ZPBP: variants seen among roughly 807,000 people sequenced by gnomAD.
ZPBP encodes the protein zona pellucida-binding protein 1.
A neutral mutation model predicts 44.8 loss-of-function variants in ZPBP; 26 were observed. The observed-to-expected ratio is 0.58, with a 90% confidence interval of 0.43 to 0.81. The LOEUF (loss-of-function observed/expected upper bound fraction) is 0.81, where lower values mean the gene tolerates loss of function less well. Among genes scored for constraint, ZPBP ranks in the 30% least tolerant of loss-of-function variants. ZPBP has a pLI of 0.00. For missense variants in ZPBP, 409 were observed against 434.0 expected (o/e 0.94, Z 0.51); for synonymous variants, 174 against 153.2 (o/e 1.14, Z -1.00).
intron 6 of ZPBP, among the ~76,000 whole-genome samples, chr7:50,017,341 T>C (rs923356717): frequency 2.6e-5 from 4 of 152,136 alleles, no homozygotes; most frequent in African/African-American, 7.2e-5. Flanking sequence ...TGATCTGATC[T>C]GACAGGAGAA....
In ZPBP at chr7:49,897,162, T is replaced by C. The variant is rs546385429; in HGVS notation, n.509+3956A>G. 2.9e-3 allele frequency among the ~76,000 whole-genome samples: 445 copies of C among 152,268 alleles called. 1 individual carries two copies. Among genetic ancestry groups the C allele is most frequent in the Non-Finnish European group, 5.1e-3 (348 of 68,004 alleles). On this transcript the variant is annotated intron_variant and non_coding_transcript_variant, in intron 2 of 2. Coordinates refer to the ZPBP transcript ENST00000465922. ...CACCCGCCTCGGCCTCCCAAAGTGC[T>C]GGGATTACAGGCGTGAGCCACCGCG...
chr7:50,033,612 T>C (rs1206940061), intron 4 of ZPBP, among the ~76,000 whole-genome samples: 3 of 152,190 alleles, frequency 2.0e-5, no homozygotes, highest in Admixed American at 6.5e-5. Context: ...CTTTTCCTTA[T>C]GACAAGTTCC....
At chr7:49,887,164 G>A (rs1583757349) in intron 2 of ZPBP, among the ~76,000 whole-genome samples, 1 of 152,148 alleles carries the variant, frequency 6.6e-6, no homozygotes, top group East Asian at 1.9e-4. Context: ...CCTGATCGAT[G>A]ATGATTTGGA....
Position 50,058,147 on chromosome 7 carries a change from G to T in ZPBP, c.335-6C>A. The T allele has an allele frequency of 6.2e-7, 1 of 1,613,424 alleles. No individual in the cohort carries two copies. The highest frequency in any genetic ancestry group is 8.5e-7 in the Non-Finnish European group (1 of 1,179,670). On this transcript the variant is annotated splice_region_variant and splice_polypyrimidine_tract_variant and intron_variant, in intron 3 of 7. Coordinates refer to ENST00000046087, the MANE Select transcript of ZPBP (RefSeq NM_007009.3). ...TTGTGCAGTGCGGTTTTCTACTAAAGGAATAAGATACAGTTACGAGTTGCT... is the reference window on the plus strand; with the variant it reads ...TTGTGCAGTGCGGTTTTCTACTAAATGAATAAGATACAGTTACGAGTTGCT...
At chr7:49,874,156 G>C (rs770343398) in intron 2 of ZPBP, among the ~76,000 whole-genome samples, 6 of 152,038 alleles carry the variant, frequency 3.9e-5, no homozygotes, top group Non-Finnish European at 8.8e-5. Flanking sequence ...TTTTGAAAAA[G>C]TGAAACTATA....
intron 2 of ZPBP, among the ~76,000 whole-genome samples, chr7:49,895,779 T>C (rs1792359344): frequency 6.6e-6 from 1 of 152,148 alleles, no homozygotes; most frequent in Non-Finnish European, 1.5e-5. Flanking sequence ...TTAAGTAGCA[T>C]ATAAATATGA....
chr7:50,038,793 T>C (rs1028319543), intron 4 of ZPBP, among the ~76,000 whole-genome samples: 7 of 152,218 alleles, frequency 4.6e-5, no homozygotes, highest in African/African-American at 1.4e-4. Context: ...GATACACAAA[T>C]ACCACAGTAT....
Position 50,018,282 on chromosome 7 carries a change from T to A in ZPBP, c.741A>T (p.Arg247=), listed in dbSNP as rs145657175. The A allele has an allele frequency of 1.6e-5, 25 of 1,610,668 alleles. No individual in the cohort carries two copies. The highest frequency in any genetic ancestry group is 2.0e-5 in the Non-Finnish European group (24 of 1,178,810). ...AAGGTTCACAGTTATGGTCTGTACA[T>A]CGCTTGGGTCCTTTTTCAGTGTCTA... The part of the protein sequence containing the change: ...SSLDTEKGPK[R]CTDHNCEPYK... Residue 247 remains arginine, a synonymous_variant, in exon 6 of 8, where the codon CGA becomes CGT. Coordinates refer to ENST00000046087, the MANE Select transcript of ZPBP (RefSeq NM_007009.3).
intron 1 of ZPBP, chr7:49,911,919 A>ACACG: frequency 5.7e-6 from 4 of 705,268 alleles, no homozygotes; most frequent in Non-Finnish European, 7.8e-6. Context: ...ACAAACAAAT[A>ACACG]CACGCACACA....
intron 2 of ZPBP, among the ~76,000 whole-genome samples, chr7:49,854,431 T>C (rs2128717818): frequency 6.6e-6 from 1 of 152,264 alleles, no homozygotes; most frequent in Non-Finnish European, 1.5e-5. Flanking sequence ...GGTATCTCAT[T>C]GTGGTTTTGA....
At chr7:49,922,287 T>G (rs1455554804) in intron 1 of ZPBP, among the ~76,000 whole-genome samples, 1 of 152,222 alleles carries the variant, frequency 6.6e-6, no homozygotes, top group African/African-American at 2.4e-5. Context: ...AAATATGGAC[T>G]AACAGTAAGT....
At position 49,886,093 on chromosome 7, in the gene ZPBP, G is replaced by A. The variant is rs558482698; in HGVS notation, n.509+15025C>T. Among the ~76,000 whole-genome samples, 3 of 152,230 alleles carry A rather than the reference G, an allele frequency of 2.0e-5. No homozygotes were observed. The East Asian group carries it at 5.8e-4, about 29-fold the overall frequency. On this transcript the variant is annotated intron_variant and non_coding_transcript_variant, in intron 2 of 2. Coordinates refer to the ZPBP transcript ENST00000465922. ...TAGGGGAGAGGTCCAGACTGGAGGCGTCACCAGGTGCTGGGCAGTGTCTGA... is the reference window on the plus strand; with the variant it reads ...TAGGGGAGAGGTCCAGACTGGAGGCATCACCAGGTGCTGGGCAGTGTCTGA...
intron 7 of ZPBP, among the ~76,000 whole-genome samples, chr7:49,959,827 A>G (rs189222580): frequency 7.0e-4 from 107 of 152,326 alleles, no homozygotes; most frequent in Non-Finnish European, 1.0e-3. Context: ...GGATTATCCT[A>G]TGTGATTTCA....
At chr7:50,017,063 C>T (rs1197531264) in intron 6 of ZPBP, among the ~76,000 whole-genome samples, 5 of 151,978 alleles carry the variant, frequency 3.3e-5, no homozygotes, top group African/African-American at 1.2e-4. Context: ...TCGAGGGTGA[C>T]TCAAGGGCAT....
intron 4 of ZPBP, among the ~76,000 whole-genome samples, chr7:50,035,153 T>A (rs1799774231): frequency 6.6e-6 from 1 of 152,240 alleles, no homozygotes; most frequent in Non-Finnish European, 1.5e-5. Flanking sequence ...CTATGTTTTG[T>A]CACTAAATTG....
chr7:49,935,525 A>C (rs768518268), downstream of ZPBP, among the ~76,000 whole-genome samples: 8 of 152,158 alleles, frequency 5.3e-5, no homozygotes, highest in Non-Finnish European at 1.2e-4. Flanking sequence ...CAGCCTCCTG[A>C]GTAGCTGGGA....
chr7:49,968,081 G>C (rs1222194088), intron 7 of ZPBP, among the ~76,000 whole-genome samples: 2 of 151,606 alleles, frequency 1.3e-5, no homozygotes, highest in Admixed American at 6.6e-5. Context: ...GATTAATTTA[G>C]AACTAATTTT....
In ZPBP at chr7:49,916,716, G is replaced by GA. The variant is rs1370803929; in HGVS notation, n.412-15502dup. ...GAGTTATTTGCTATTCTTGTTTAAG[G>GA]ACAATGTATGTATTAAAGAGCAACT... On this transcript the variant is annotated intron_variant and non_coding_transcript_variant, in intron 1 of 2. Transcript: ENST00000465922. 4 of 152,232 alleles carry GA rather than the reference G, an allele frequency of 2.6e-5. No individual in the cohort carries two copies. The East Asian group carries it at 5.8e-4, about 22-fold the overall frequency. The allele number at this position is 152,232 out of a possible 1,614,324, so 9.4% of individuals were successfully genotyped here.
At position 49,959,265 on chromosome 7, in the gene ZPBP, C is replaced by CAA. The variant is rs60383665; in HGVS notation, c.962-21645_962-21644dup. 3.8e-3 allele frequency among the ~76,000 whole-genome samples: 543 copies of CAA among 141,998 alleles called. 6 individuals carry two copies. Among genetic ancestry groups the CAA allele is most frequent in the East Asian group, 0.014 (71 of 4,964 alleles). The allele number at this position is 141,998 out of a possible 152,430, so 93.2% of individuals were successfully genotyped here. Reference sequence around the variant, plus strand: ...ACCTAGTCATTGCAATAAAGCAAGCCAAAAAAAAAAAAGGCACAAACATCA... The same window carrying CAA: ...ACCTAGTCATTGCAATAAAGCAAGCCAAAAAAAAAAAAAAGGCACAAACATCA... On this transcript the variant is annotated intron_variant, in intron 7 of 7. Coordinates refer to ENST00000046087, the MANE Select transcript of ZPBP (RefSeq NM_007009.3).
Sources: allele counts gnomAD v4.1 joint callset (sites outside exome capture counted in the v4.1 genomes callset), GRCh38; gene constraint gnomAD v4.1.1; transcripts MANE v1.5; gene names NCBI Gene and HGNC (gene_info 2026-07-23, HGNC 2026-07-21).